The following FAM180A variants were observed in gnomAD, a reference collection of about 807,000 sequenced individuals.
FAM180A encodes the protein family with sequence similarity 180 member A.
FAM180A carries 14 observed loss-of-function variants against 15.3 expected under a neutral mutation model. That is an observed-to-expected ratio of 0.92 (90% CI 0.61 to 1.43). The LOEUF (loss-of-function observed/expected upper bound fraction) is 1.43, where lower values mean the gene tolerates loss of function less well. FAM180A is among the 40% of genes most tolerant of loss of function. The pLI is 0.00. For synonymous variants in FAM180A, 90 were observed against 96.8 expected (o/e 0.93, Z 0.41); for missense variants, 200 against 220.8 (o/e 0.91, Z 0.60).
intron 1 of FAM180A, among the ~76,000 whole-genome samples, chr7:135,743,596 G>A (rs1231290175): frequency 6.6e-6 from 1 of 152,162 alleles, no homozygotes; most frequent in Non-Finnish European, 1.5e-5. Context: ...TGCACCTGAA[G>A]GTGGCTGGAG....
chr7:135,731,195 G>A (rs529221531), intron 3 of FAM180A, among the ~76,000 whole-genome samples: 5 of 152,148 alleles, frequency 3.3e-5, no homozygotes, highest in Non-Finnish European at 5.9e-5. Flanking sequence ...GTGGAGCCTC[G>A]GGGCGGGATA....
rs1584750220 is a variant in FAM180A, at chr7:135,734,468, G to C, written c.178-149C>G. The C allele has an allele frequency of 4.2e-6, 3 of 716,148 alleles. No individual in the cohort carries two copies. In the East Asian group the frequency reaches 8.4e-5, roughly 20 times the overall value. The allele number at this position is 716,148 out of a possible 1,614,324, so 44.4% of individuals were successfully genotyped here. ...TCCAGTTCTGACTTTCTCACTTGCTGTGTGAACTTGGACAAGTTACTTAAC... is the reference window on the plus strand; with the variant it reads ...TCCAGTTCTGACTTTCTCACTTGCTCTGTGAACTTGGACAAGTTACTTAAC... On this transcript the variant is annotated intron_variant, in intron 2 of 3. Transcript: ENST00000338588.
At chr7:135,742,261 A>G (rs1039781830) in intron 1 of FAM180A, among the ~76,000 whole-genome samples, 1 of 152,220 alleles carries the variant, frequency 6.6e-6, no homozygotes, top group Non-Finnish European at 1.5e-5. Context: ...GATCAATGTC[A>G]AAATACAGAG....
chr7:135,743,310 T>C (rs567159600), intron 1 of FAM180A, among the ~76,000 whole-genome samples: 1 of 151,750 alleles, frequency 6.6e-6, no homozygotes, highest in Non-Finnish European at 1.5e-5. Flanking sequence ...GTTCAAGCGA[T>C]TCTTGTGCCT....
chr7:135,735,316 C>T (rs1796855650), intron 2 of FAM180A, among the ~76,000 whole-genome samples: 1 of 152,178 alleles, frequency 6.6e-6, no homozygotes, highest in Non-Finnish European at 1.5e-5. Flanking sequence ...TTTATATTTA[C>T]TATAGGACCT....
chr7:135,734,287 G>A lies in FAM180A; in HGVS notation c.210C>T (p.Asp70=), dbSNP rs944249259. 1 of 1,607,434 alleles carries A rather than the reference G, an allele frequency of 6.2e-7. No homozygotes were observed. The highest frequency in any genetic ancestry group is 1.1e-5 in the South Asian group (1 of 90,360). Residue 70 remains aspartate, a synonymous_variant, in exon 3 of 4, where the codon GAC becomes GAT. Coordinates refer to ENST00000338588, the MANE Select transcript of FAM180A (RefSeq NM_205855.4). The part of the protein sequence containing the change: ...FLLAELEISP[D]LQISIKDEEL... The stretch of plus-strand genomic sequence containing the variant: ...CCTCGTCCTTGATGGAGATCTGCAG[G>A]TCAGGGCTGATCTCAAGTTCGGCCA...
At chr7:135,732,608 G>C (rs1405817144) in intron 3 of FAM180A, among the ~76,000 whole-genome samples, 2 of 151,834 alleles carry the variant, frequency 1.3e-5, no homozygotes, top group Middle Eastern at 3.4e-3. Flanking sequence ...CAGGAGAATC[G>C]CTTGAACCCG....
intron 1 of FAM180A, among the ~76,000 whole-genome samples, chr7:135,747,143 A>G (rs1355506444): frequency 5.3e-5 from 8 of 152,174 alleles, no homozygotes; most frequent in African/African-American, 1.9e-4. Context: ...AAAAGTAACT[A>G]AAAGGGTATC....
chr7:135,737,785 G>GAAAAA (rs1254431656), intron 1 of FAM180A, among the ~76,000 whole-genome samples: 1 of 151,966 alleles, frequency 6.6e-6, no homozygotes, highest in Non-Finnish European at 1.5e-5. Flanking sequence ...AAAAGAAAAA[G>GAAAAA]AAAAAGGAAG....
chr7:135,737,987 T>A (rs1198880367), intron 1 of FAM180A, among the ~76,000 whole-genome samples: 2 of 152,358 alleles, frequency 1.3e-5, no homozygotes, highest in Admixed American at 1.3e-4. Context: ...GTTATCAGTA[T>A]GAAGTGCTGG....
chr7:135,747,161 T>C (rs1797042527), intron 1 of FAM180A, among the ~76,000 whole-genome samples: 1 of 152,216 alleles, frequency 6.6e-6, no homozygotes, highest in Non-Finnish European at 1.5e-5. Context: ...ATCACTGGAT[T>C]GTTTGTAACA....
intron 1 of FAM180A, among the ~76,000 whole-genome samples, chr7:135,746,387 A>G (rs1019553208): frequency 6.6e-6 from 1 of 152,176 alleles, no homozygotes; most frequent in Non-Finnish European, 1.5e-5. Context: ...TATGACCCTC[A>G]CAGTAATAGC....
chr7:135,739,265 G>A (rs1400897425), intron 1 of FAM180A, among the ~76,000 whole-genome samples: 2 of 143,550 alleles, frequency 1.4e-5, no homozygotes, highest in African/African-American at 2.6e-5. Context: ...AACCGAGATC[G>A]TGCCACACTG....
At chr7:135,737,586 C>CAAAAAAAAAAAAAAA (rs35378393) in intron 1 of FAM180A, among the ~76,000 whole-genome samples, 21 of 82,324 alleles carry the variant, frequency 2.6e-4, no homozygotes, top group Non-Finnish European at 3.3e-4. Context: ...GACTCCATGT[C>CAAAAAAAAAAAAAAA]AAAAAAAAAA....
intron 2 of FAM180A, among the ~76,000 whole-genome samples, chr7:135,736,311 G>A (rs189965765): frequency 4.6e-5 from 7 of 152,332 alleles, no homozygotes; most frequent in East Asian, 3.9e-4. Flanking sequence ...GTAAGCCACC[G>A]CGCCCAGCCC....
At position 135,734,111 on chromosome 7, in the gene FAM180A, G is replaced by T. The variant is rs769386539; in HGVS notation, c.386C>A (p.Thr129Asn). ...TGTGCGGTAGGCTGTGTAGGCCAGG[G>T]TCAGCACTGTCCTTTCAAAGTCTTC... is the stretch of plus-strand genomic sequence containing the variant. ...KKEDFERTVL[T>N]LAYTAYRTAL... The change falls in exon 3 of 4, where the codon ACC becomes AAC. Residue 129 changes from threonine to asparagine, a missense_variant. Coordinates refer to ENST00000338588, the MANE Select transcript of FAM180A (RefSeq NM_205855.4). 29 of 1,614,096 alleles carry T rather than the reference G, an allele frequency of 1.8e-5. No homozygotes were observed. In the Admixed American group the frequency reaches 3.5e-4, roughly 19 times the overall value.
chr7:135,733,867 T>C lies in FAM180A; in HGVS notation c.*108A>G. The C allele has an allele frequency of 2.1e-6, 3 of 1,442,122 alleles. No individual in the cohort carries two copies. 89.3% of individuals were successfully genotyped at this position (1,442,122 alleles called of 1,614,324 possible). On this transcript the variant is annotated 3_prime_UTR_variant, in exon 3 of 4. Coordinates refer to ENST00000338588, the MANE Select transcript of FAM180A (RefSeq NM_205855.4). ...ACTGTTTGATCTCTGCTGCTCTGTGTCAGCGGTAAGAGTTTTGTTGCTGGT... is the reference window on the plus strand; with the variant it reads ...ACTGTTTGATCTCTGCTGCTCTGTGCCAGCGGTAAGAGTTTTGTTGCTGGT...
At chr7:135,745,552 T>A (rs1797020631) in intron 1 of FAM180A, among the ~76,000 whole-genome samples, 1 of 151,744 alleles carries the variant, frequency 6.6e-6, no homozygotes, top group South Asian at 2.1e-4. Context: ...CACAGGTGAG[T>A]CATTTGGTCT....
chr7:135,746,256 C>T (rs913693641), intron 1 of FAM180A, among the ~76,000 whole-genome samples: 2 of 152,134 alleles, frequency 1.3e-5, no homozygotes, highest in Non-Finnish European at 2.9e-5. Flanking sequence ...GTAGATTCCC[C>T]TGTTAAGAGC....
Sources: gnomAD v4.1 joint callset for allele counts (sites outside exome capture counted in the v4.1 genomes callset) on GRCh38, gnomAD v4.1.1 for gene constraint, MANE v1.5 for transcripts, NCBI Gene and HGNC (gene_info 2026-07-23, HGNC 2026-07-21) for gene names.